ANKS1B: variants seen among roughly 807,000 people sequenced by gnomAD.
The protein encoded by ANKS1B is ankyrin repeat and sterile alpha motif domain containing 1B, also known as ankyrin repeat and sterile alpha motif domain-containing protein 1B.
In ANKS1B, 36 loss-of-function variants were observed where a neutral mutation model predicts 148.3. The ratio of observed to expected loss-of-function variants is 0.24; its 90% CI spans 0.19 to 0.32. The LOEUF is 0.32. Among genes scored for constraint, ANKS1B ranks in the 10% least tolerant of loss-of-function variants. The pLI, the probability that ANKS1B is intolerant of heterozygous loss-of-function variation, is 1.00. For synonymous variants in ANKS1B, 542 were observed against 560.8 expected (o/e 0.97, Z 0.47); for missense variants, 1,157 against 1,542.6 (o/e 0.75, Z 4.19).
At chr12:99,621,197 C>G (rs1039361825) in intron 9 of ANKS1B, among the ~76,000 whole-genome samples, 1 of 152,018 alleles carries the variant, frequency 6.6e-6, no homozygotes, top group African/African-American at 2.4e-5. Context: ...CAAGCAAGCA[C>G]TAATGGAATT....
chr12:99,433,080 A>C (rs922755884), intron 11 of ANKS1B, among the ~76,000 whole-genome samples: 1 of 152,194 alleles, frequency 6.6e-6, no homozygotes, highest in Admixed American at 6.5e-5. Flanking sequence ...TCAAAGGTCT[A>C]GGCCAGAGAT....
chr12:99,513,802 G>A (rs10860451), intron 9 of ANKS1B, among the ~76,000 whole-genome samples: 1 of 151,866 alleles, frequency 6.6e-6, no homozygotes, highest in Non-Finnish European at 1.5e-5. Context: ...AACTTCCAAA[G>A]TATCTTCTTT....
chr12:99,871,529 C>A (rs540662876), intron 1 of ANKS1B, among the ~76,000 whole-genome samples: 67 of 152,212 alleles, frequency 4.4e-4, no homozygotes, highest in African/African-American at 1.6e-3. Flanking sequence ...AATATTGATT[C>A]TTCCAATCCA....
intron 1 of ANKS1B, among the ~76,000 whole-genome samples, chr12:99,927,280 G>C (rs1286163395): frequency 6.6e-6 from 1 of 152,094 alleles, no homozygotes; most frequent in African/African-American, 2.4e-5. Flanking sequence ...GGCCTAAACT[G>C]GTTTGAATTA....
In ANKS1B at chr12:99,155,446, G is replaced by T. The variant is rs912630566; in HGVS notation, c.2420-1051C>A. Among the ~76,000 whole-genome samples the T allele has an allele frequency of 9.2e-5, 14 of 152,066 alleles. No homozygotes were observed. The East Asian group carries it at 1.7e-3, about 19-fold the overall frequency. On this transcript the variant is annotated intron_variant, in intron 14 of 26. Transcript: ENST00000683438. ...TTCTTCCAAACAAAAGTATTATTAGGCACAAGAAATCCTTTTTCCCCTCTG... is the reference window on the plus strand; with the variant it reads ...TTCTTCCAAACAAAAGTATTATTAGTCACAAGAAATCCTTTTTCCCCTCTG...
chr12:99,645,335 A>G (rs1044851021), intron 9 of ANKS1B, among the ~76,000 whole-genome samples: 1 of 152,214 alleles, frequency 6.6e-6, no homozygotes, highest in African/African-American at 2.4e-5. Flanking sequence ...GAATTAAACA[A>G]TTCCCAGAGC....
chr12:99,523,929 T>G (rs2096901558), intron 9 of ANKS1B, among the ~76,000 whole-genome samples: 1 of 152,194 alleles, frequency 6.6e-6, no homozygotes, highest in Non-Finnish European at 1.5e-5. Context: ...AATGAGAGAA[T>G]CAGAATAGAA....
chr12:98,852,893 T>G (rs1341917885), intron 17 of ANKS1B, among the ~76,000 whole-genome samples: 1 of 152,198 alleles, frequency 6.6e-6, no homozygotes, highest in Non-Finnish European at 1.5e-5. Context: ...TTCTGCTTCA[T>G]CGATACTCCA....
intron 8 of ANKS1B, among the ~76,000 whole-genome samples, chr12:99,699,005 T>C (rs1417026252): frequency 6.6e-6 from 1 of 152,082 alleles, no homozygotes; most frequent in African/African-American, 2.4e-5. Context: ...CACATGTGCG[T>C]GCTCTTTATT....
chr12:99,183,971 A>G (rs1298774921), intron 14 of ANKS1B, among the ~76,000 whole-genome samples: 1 of 152,222 alleles, frequency 6.6e-6, no homozygotes, highest in Non-Finnish European at 1.5e-5. Flanking sequence ...AGTTTCATAT[A>G]AATCAAATAT....
At chr12:98,865,228 G>A (rs35294565) in intron 17 of ANKS1B, among the ~76,000 whole-genome samples, 2 of 151,902 alleles carry the variant, frequency 1.3e-5, no homozygotes, top group African/African-American at 4.8e-5. Context: ...TCAGACTCTC[G>A]ATCTTATTGC....
At chr12:99,296,905 G>C (rs1250552980) in intron 12 of ANKS1B, among the ~76,000 whole-genome samples, 2 of 152,190 alleles carry the variant, frequency 1.3e-5, no homozygotes, top group East Asian at 3.8e-4. Flanking sequence ...TGGGAAGACT[G>C]TGGGAACTTG....
At chr12:99,159,450 C>T (rs1437032647) in intron 14 of ANKS1B, among the ~76,000 whole-genome samples, 2 of 152,134 alleles carry the variant, frequency 1.3e-5, no homozygotes, top group African/African-American at 4.8e-5. Flanking sequence ...CAATATTTAG[C>T]TCCCACTTAT....
At chr12:99,334,041 A>G (rs1253641970) in intron 12 of ANKS1B, among the ~76,000 whole-genome samples, 1 of 151,786 alleles carries the variant, frequency 6.6e-6, no homozygotes, top group Non-Finnish European at 1.5e-5. Context: ...TCAGTTTCAC[A>G]TCATAGAATA....
intron 11 of ANKS1B, among the ~76,000 whole-genome samples, chr12:99,404,183 G>T (rs2094478709): frequency 6.8e-6 from 1 of 145,992 alleles, no homozygotes; most frequent in Non-Finnish European, 1.5e-5. Flanking sequence ...AGAGTGGAGG[G>T]TAGGAGGAAG....
At chr12:99,171,426 G>A (rs995328641) in intron 14 of ANKS1B, among the ~76,000 whole-genome samples, 3 of 152,136 alleles carry the variant, frequency 2.0e-5, no homozygotes, top group Non-Finnish European at 4.4e-5. Flanking sequence ...CAAGAATTGG[G>A]GAATGCTATA....
chr12:99,177,950 C>A (rs1023496305), intron 14 of ANKS1B, among the ~76,000 whole-genome samples: 2 of 152,112 alleles, frequency 1.3e-5, no homozygotes, highest in African/African-American at 4.8e-5. Flanking sequence ...GTTTCATAAT[C>A]AGAATACCAT....
intron 12 of ANKS1B, among the ~76,000 whole-genome samples, chr12:99,326,931 T>C (rs538547048): frequency 5.8e-4 from 85 of 147,174 alleles, no homozygotes; most frequent in Middle Eastern, 3.6e-3. Flanking sequence ...AAATATAAAG[T>C]TCACAAATAC....
intron 12 of ANKS1B, among the ~76,000 whole-genome samples, chr12:99,309,890 C>T (rs770135575): frequency 1.1e-4 from 16 of 152,080 alleles, no homozygotes; most frequent in South Asian, 2.1e-4. Context: ...GATTTTAAAG[C>T]TCATTTTCTC....
Sources: allele counts gnomAD v4.1 joint callset (sites outside exome capture counted in the v4.1 genomes callset), GRCh38; gene constraint gnomAD v4.1.1; transcripts MANE v1.5; gene names NCBI Gene and HGNC (gene_info 2026-07-23, HGNC 2026-07-21).